AIM2: variants seen among roughly 807,000 people sequenced by gnomAD.
AIM2 encodes interferon-inducible protein AIM2.
AIM2 carries 30 observed loss-of-function variants against 27.7 expected under a neutral mutation model. The observed-to-expected ratio is 1.08, with a 90% CI of 0.81 to 1.47. The LOEUF (loss-of-function observed/expected upper bound fraction) is 1.47, where lower values mean the gene tolerates loss of function less well. Among genes scored for constraint, AIM2 ranks in the 40% most tolerant of loss-of-function variants. AIM2 has a pLI of 0.00. For synonymous variants in AIM2, 141 were observed against 145.3 expected (o/e 0.97, Z 0.21); for missense variants, 358 against 411.3 (o/e 0.87, Z 1.12).
Position 159,065,932 on chromosome 1 carries a change from T to C in AIM2, c.794A>G (p.Asn265Ser). Residue 265 changes from asparagine (N) to serine (S), a missense_variant, in exon 4 of 6, where the codon AAT becomes AGT. Transcript: ENST00000368130. ...TACCTTCTGGACTACAAACAAACCA[T>C]TCACAATTGTTCCAAGGGGCTGAGT... ...LQTQPLGTIV[N>S]GLFVVQKVTE... is the part of the protein sequence containing the mutation. 6 of 1,611,684 alleles carry C rather than the reference T, an allele frequency of 3.7e-6. No homozygotes were observed. Among genetic ancestry groups the C allele is most frequent in the Non-Finnish European group, 5.1e-6 (6 of 1,178,788 alleles).
At chr1:159,110,432 A>C (rs1440386919) in intron 1 of AIM2, among the ~76,000 whole-genome samples, 3 of 152,228 alleles carry the variant, frequency 2.0e-5, no homozygotes, top group Non-Finnish European at 4.4e-5. Flanking sequence ...GTTTTAAAAA[A>C]TTCTTTTATA....
Position 159,066,272 on chromosome 1 carries a change from G to A in AIM2, c.454C>T (p.Arg152Cys), listed in dbSNP as rs149819770. 16 of 1,614,114 alleles carry A rather than the reference G, an allele frequency of 9.9e-6. No individual in the cohort carries two copies. The East Asian group carries it at 1.1e-4, about 11-fold the overall frequency. ...TTCAGTACCATAACTGGCAAACAGC[G>A]CTTCTGAAACCCTTCTCTGATAGAT... The part of the protein sequence containing the change: ...QESIREGFQK[R>C]CLPVMVLKAK... The change falls in exon 4 of 6, where the codon CGC (arginine) becomes TGC (cysteine). Residue 152 changes from arginine to cysteine, a missense_variant. By Grantham distance (180) the Arg-to-Cys change is radical. Transcript: ENST00000368130.
At position 159,073,364 on chromosome 1, in the gene AIM2, TTC is replaced by T. The variant is rs749220389; in HGVS notation, c.134_135del (p.Arg45AsnfsTer44). ...TGAATCATCAAGGTAGCTACTTGTATTCTGTTTGCAGTATGTAGTTTGCCTGT... is the reference window on the plus strand; with the variant it reads ...TGAATCATCAAGGTAGCTACTTGTATTGTTTGCAGTATGTAGTTTGCCTGT... ...IATGKLHTAN[R>X]IQVATLMIQN... On this transcript the variant is annotated frameshift_variant, in exon 2 of 6. Transcript: ENST00000368130. LOFTEE classifies it high-confidence loss of function. 4.3e-6 allele frequency: 7 copies of T among 1,614,254 alleles called. No individual in the cohort carries two copies. In the African/African-American group the frequency reaches 5.3e-5, roughly 12 times the overall value.
downstream of AIM2, chr1:159,062,412 T>TATA: frequency 2.0e-6 from 1 of 489,786 alleles, no homozygotes; most frequent in South Asian, 2.5e-5. Flanking sequence ...ATAAACATCA[T>TATA]ATAATACATT....
At chr1:159,116,414 C>CA (rs1647352565) in intron 1 of AIM2, among the ~76,000 whole-genome samples, 2 of 152,132 alleles carry the variant, frequency 1.3e-5, no homozygotes, top group African/African-American at 4.8e-5. Context: ...TTCACAATAG[C>CA]AAAGACTTGG....
At chr1:159,085,542 A>T (rs1212583804) in intron 1 of AIM2, among the ~76,000 whole-genome samples, 1 of 152,162 alleles carries the variant, frequency 6.6e-6, no homozygotes, top group Admixed American at 6.5e-5. Flanking sequence ...GAGATATGTA[A>T]ATGGAGATGT....
chr1:159,056,290 C>T, the AIM2 span, among the ~76,000 whole-genome samples: 6 of 152,212 alleles, frequency 3.9e-5, no homozygotes, highest in African/African-American at 7.2e-5. Context: ...CTGGAAATGG[C>T]GCAAACTTCT....
intron 1 of AIM2, among the ~76,000 whole-genome samples, chr1:159,118,164 T>C (rs1647434213): frequency 6.6e-6 from 1 of 152,210 alleles, no homozygotes; most frequent in Admixed American, 6.5e-5. Context: ...AGTAGTTAGC[T>C]TTTTCAAACT....
At chr1:159,065,866 C>A in intron 4 of AIM2, 44 bp downstream of exon 4, 3 of 1,526,688 alleles carry the variant, frequency 2.0e-6, no homozygotes, top group Non-Finnish European at 2.6e-6. Context: ...ATGGGAAATA[C>A]GTTATTCTTA....
chr1:159,084,890 C>A lies in AIM2; in HGVS notation c.-15-18561G>T, dbSNP rs148763814. Among the ~76,000 whole-genome samples, 1,495 of 151,888 alleles carry A rather than the reference C, an allele frequency of 9.8e-3. 32 individuals carry two copies. Among genetic ancestry groups the A allele is most frequent in the African/African-American group, 0.034 (1,398 of 41,412 alleles). On this transcript the variant is annotated intron_variant, in intron 1 of 2. Transcript: ENST00000368129. ...CTGAAGGAACAAGGTCAAGACTAAACTCACAGAAAAAACAAAAATGTGTTT... is the reference window on the plus strand; with the variant it reads ...CTGAAGGAACAAGGTCAAGACTAAAATCACAGAAAAAACAAAAATGTGTTT...
chr1:159,085,595 A>G (rs901279214), intron 1 of AIM2, among the ~76,000 whole-genome samples: 4 of 152,122 alleles, frequency 2.6e-5, no homozygotes, highest in Admixed American at 1.3e-4. Flanking sequence ...AAAGGTCAGA[A>G]CTCCAGACAG....
chr1:159,140,991 T>A (rs1471538953), upstream of AIM2, among the ~76,000 whole-genome samples: 1 of 152,150 alleles, frequency 6.6e-6, no homozygotes, highest in South Asian at 2.1e-4. Flanking sequence ...TGGTAATTAG[T>A]GTGTTGCTCT....
chr1:159,114,203 G>C (rs907728434), intron 1 of AIM2, among the ~76,000 whole-genome samples: 1 of 151,708 alleles, frequency 6.6e-6, no homozygotes, highest in African/African-American at 2.4e-5. Context: ...ACCCCAAACA[G>C]TATAAGGGAC....
chr1:159,073,275 C>T lies in AIM2; in HGVS notation c.225G>A (p.Met75Ile), dbSNP rs1408082778. Reference protein sequence around the residue: ...TIRIFQKLNYMLLAKRLQEEK... With the variant: ...TIRIFQKLNYILLAKRLQEEK... ...CCTCCTGAAGACGTTTTGCCAAAAG[C>T]ATATAATTCAACTTCTGAAAAATAC... is the stretch of plus-strand genomic sequence containing the variant. The change falls in exon 2 of 6, where the codon ATG becomes ATA. Residue 75 changes from methionine (M) to isoleucine (I), a missense_variant. Transcript: ENST00000368130. The T allele has an allele frequency of 3.1e-6, 5 of 1,614,050 alleles. No homozygotes were observed. The Admixed American group carries it at 5.0e-5, about 16-fold the overall frequency.
chr1:159,093,693 A>AATATATATATACATATATATGTATGTGT (rs1657101839), intron 1 of AIM2, among the ~76,000 whole-genome samples: 1 of 151,026 alleles, frequency 6.6e-6, no homozygotes, highest in Admixed American at 6.6e-5. Flanking sequence ...TTATTTAGAA[A>AATATATATATACATATATATGTATGTGT]ATATATATAT....
intron 4 of AIM2, among the ~76,000 whole-genome samples, chr1:159,065,539 A>G (rs983927223): frequency 6.6e-6 from 1 of 152,238 alleles, no homozygotes; most frequent in Non-Finnish European, 1.5e-5. Flanking sequence ...TTACTCAACT[A>G]CACTTACTTT....
At chr1:159,073,666 T>A in intron 1 of AIM2, 147 bp from the exon 2 acceptor site, 1 of 756,140 alleles carries the variant, frequency 1.3e-6, no homozygotes. Context: ...AGGTAAGAAC[T>A]TCTTAAGCAA....
At chr1:159,088,654 C>T (rs902410415) in intron 1 of AIM2, among the ~76,000 whole-genome samples, 2 of 152,102 alleles carry the variant, frequency 1.3e-5, no homozygotes, top group Non-Finnish European at 2.9e-5. Flanking sequence ...GGTGATGAGT[C>T]GTGAGGGTTC....
chr1:159,071,508 TTTG>T (rs899058104), intron 2 of AIM2, among the ~76,000 whole-genome samples: 2 of 152,070 alleles, frequency 1.3e-5, no homozygotes, highest in Non-Finnish European at 2.9e-5. Context: ...TACTTTGTGT[TTTG>T]TTGTTGTTGT....
Sources: gnomAD v4.1 joint callset for allele counts (sites outside exome capture counted in the v4.1 genomes callset) on GRCh38, gnomAD v4.1.1 for gene constraint, MANE v1.5 for transcripts, NCBI Gene and HGNC (gene_info 2026-07-23, HGNC 2026-07-21) for gene names.